The following CERS3 variants were observed in gnomAD, a reference collection of about 807,000 sequenced individuals.
The protein encoded by CERS3 is LAG1 homolog, ceramide synthase 3.
In CERS3, 33 loss-of-function variants were observed where a neutral mutation model predicts 50.3. That is an observed-to-expected ratio of 0.66 (90% CI 0.50 to 0.88). The LOEUF (loss-of-function observed/expected upper bound fraction) is 0.88, where lower values mean the gene tolerates loss of function less well. Among genes scored for constraint, CERS3 ranks in the 40% least tolerant of loss-of-function variants. The pLI is 0.00. For missense variants in CERS3, 470 were observed against 460.3 expected, an observed-to-expected ratio of 1.02 and a Z score of -0.19; for synonymous variants, 176 against 155.2, an observed-to-expected ratio of 1.13 and a Z score of -0.99.
chr15:100,494,210 CATATATATATATATATATATATATAT>C lies in CERS3; in HGVS notation c.174-3305_174-3280del, dbSNP rs1170051830. Among the ~76,000 whole-genome samples, 129 of 78,126 alleles carry C rather than the reference CATATATATATATATATATATATATAT, an allele frequency of 1.7e-3. 3 individuals carry two copies. The highest frequency in any genetic ancestry group is 7.0e-3 in the African/African-American group (125 of 17,906). The allele number at this position is 78,126 out of a possible 152,430, so 51.3% of individuals were successfully genotyped here. ...TTTGCTTAGTCACCTTTTTTCTTTT[CATATATATATATATATATATATATAT>C]ATATATATATATATATATATATTTG... On this transcript the variant is annotated intron_variant, in intron 3 of 11. Transcript: ENST00000679737.
chr15:100,535,562 G>A lies in CERS3; in HGVS notation c.-354-6487C>T, dbSNP rs375774370. Among the ~76,000 whole-genome samples the A allele has an allele frequency of 2.0e-5, 3 of 147,732 alleles. No homozygotes were observed. The Admixed American group carries it at 2.0e-4, about 10-fold the overall frequency. On this transcript the variant is annotated intron_variant, in intron 1 of 12. Coordinates refer to the CERS3 transcript ENST00000284382. ...TATGCCTATGCTCATATGTAAGCAC[G>A]ATTAGAAGTATCCATATGTGCACGG...
chr15:100,542,788 T>C (rs2037232482), intron 1 of CERS3, among the ~76,000 whole-genome samples: 1 of 150,712 alleles, frequency 6.6e-6, no homozygotes, highest in South Asian at 2.1e-4. Context: ...AATATATATG[T>C]ATATGTATGA....
At chr15:100,533,877 T>G (rs563749363), upstream of CERS3, among the ~76,000 whole-genome samples, 32 of 152,336 alleles carry the variant, frequency 2.1e-4, no homozygotes, top group African/African-American at 7.7e-4. Flanking sequence ...CTTTCAAAAC[T>G]TGAAGTCAGT....
chr15:100,459,792 T>TCTCCA (rs1239427860), intron 10 of CERS3, among the ~76,000 whole-genome samples: 1 of 152,190 alleles, frequency 6.6e-6, no homozygotes, highest in Non-Finnish European at 1.5e-5. Context: ...ATTTTATCAG[T>TCTCCA]CTCCACCTAA....
At chr15:100,504,975 C>G (rs1200784967) in intron 2 of CERS3, among the ~76,000 whole-genome samples, 3 of 152,186 alleles carry the variant, frequency 2.0e-5, no homozygotes, top group Non-Finnish European at 4.4e-5. Flanking sequence ...TTCAAACTTC[C>G]TACAGACTTG....
At chr15:100,533,811 G>T (rs1481298294), upstream of CERS3, among the ~76,000 whole-genome samples, 2 of 152,128 alleles carry the variant, frequency 1.3e-5, no homozygotes, top group African/African-American at 2.4e-5. Context: ...ACCTGCCTCG[G>T]CCTCCCAAAG....
At chr15:100,413,637 A>G (rs1393836028) in intron 11 of CERS3, among the ~76,000 whole-genome samples, 1 of 152,122 alleles carries the variant, frequency 6.6e-6, no homozygotes, top group East Asian at 1.9e-4. Context: ...CCTAGTAAAT[A>G]TTGAATAGTC....
chr15:100,437,505 C>G (rs2033474478), intron 11 of CERS3, among the ~76,000 whole-genome samples: 1 of 152,114 alleles, frequency 6.6e-6, no homozygotes, highest in Admixed American at 6.5e-5. Flanking sequence ...GTCACTGGAG[C>G]CTTGGGTTTC....
chr15:100,513,347 G>A (rs2036400887), intron 2 of CERS3, among the ~76,000 whole-genome samples: 1 of 152,100 alleles, frequency 6.6e-6, no homozygotes, highest in African/African-American at 2.4e-5. Context: ...CTGTCTGGAG[G>A]CAGCTCCCTG....
At chr15:100,448,393 A>T (rs896127014) in intron 11 of CERS3, among the ~76,000 whole-genome samples, 1 of 152,216 alleles carries the variant, frequency 6.6e-6, no homozygotes, top group Non-Finnish European at 1.5e-5. Flanking sequence ...ATACTCCCCA[A>T]TGTGGGAAAA....
At chr15:100,421,080 C>T (rs1367882825) in intron 11 of CERS3, among the ~76,000 whole-genome samples, 8 of 149,772 alleles carry the variant, frequency 5.3e-5, no homozygotes, top group East Asian at 2.0e-4. Context: ...AAGTTCTGGC[C>T]AGGGCAATTA....
At chr15:100,514,796 A>AC (rs397786980) in intron 2 of CERS3, among the ~76,000 whole-genome samples, 4 of 151,880 alleles carry the variant, frequency 2.6e-5, no homozygotes, top group South Asian at 4.2e-4. Context: ...GTATAAAAAA[A>AC]CTAGAAAGAA....
chr15:100,426,748 T>C (rs1171924195), intron 11 of CERS3, among the ~76,000 whole-genome samples: 1 of 152,178 alleles, frequency 6.6e-6, no homozygotes, highest in Non-Finnish European at 1.5e-5. Context: ...ACTCAATAGC[T>C]AGAAAATCCC....
chr15:100,457,188 ATTTT>A (rs1176284403), intron 10 of CERS3, among the ~76,000 whole-genome samples: 2 of 152,024 alleles, frequency 1.3e-5, no homozygotes, highest in Non-Finnish European at 2.9e-5. Context: ...CAATTTTTTA[ATTTT>A]TTTATTAACA....
At chr15:100,501,390 T>C (rs1487077624) in intron 3 of CERS3, among the ~76,000 whole-genome samples, 1 of 152,242 alleles carries the variant, frequency 6.6e-6, no homozygotes, top group East Asian at 1.9e-4. Context: ...CGTATTGTCA[T>C]TGATACCAAT....
chr15:100,499,232 T>A (rs1344614557), intron 3 of CERS3, among the ~76,000 whole-genome samples: 2 of 152,230 alleles, frequency 1.3e-5, no homozygotes, highest in Admixed American at 1.3e-4. Context: ...AATGTGTTTA[T>A]TCCATGAGTG....
intron 3 of CERS3, among the ~76,000 whole-genome samples, chr15:100,498,893 T>C (rs72759156): frequency 0.053 from 8,008 of 152,328 alleles, 298 homozygotes; most frequent in Admixed American, 0.11. Flanking sequence ...TGTTGTGTTT[T>C]TTGTTTTTAT....
chr15:100,522,433 A>C (rs1027152756), intron 1 of CERS3, among the ~76,000 whole-genome samples: 7 of 152,238 alleles, frequency 4.6e-5, no homozygotes, highest in Non-Finnish European at 8.8e-5. Context: ...TATAACATAC[A>C]GATGGTAAAG....
At position 100,488,997 on chromosome 15, in the gene CERS3, G is replaced by A. The variant is rs559758752; in HGVS notation, c.288+1820C>T. Among the ~76,000 whole-genome samples the A allele has an allele frequency of 2.6e-5, 4 of 152,162 alleles. No individual in the cohort carries two copies. The South Asian group carries it at 6.2e-4, about 24-fold the overall frequency. On this transcript the variant is annotated intron_variant, in intron 4 of 11. Transcript: ENST00000679737. ...TCACCATGTTGGCCAGGATGGTCTC[G>A]ATCTCCAGACCTCGTGATCCACCCA...
Sources: allele counts gnomAD v4.1 joint callset (sites outside exome capture counted in the v4.1 genomes callset), GRCh38; gene constraint gnomAD v4.1.1; transcripts MANE v1.5; gene names NCBI Gene and HGNC (gene_info 2026-07-23, HGNC 2026-07-21).